The following SAMD4A variants were observed in gnomAD, a reference collection of about 807,000 sequenced individuals.
SAMD4A encodes sterile alpha motif domain containing 4A, also known as protein Smaug homolog 1.
A neutral mutation model predicts 81.3 loss-of-function variants in SAMD4A; 33 were observed. The observed-to-expected ratio is 0.41, with a 90% confidence interval of 0.31 to 0.54. The LOEUF is 0.54. Among genes scored for constraint, SAMD4A ranks in the 20% least tolerant of loss-of-function variants. The pLI is 0.37. For missense variants in SAMD4A, 854 were observed against 951.1 expected (o/e 0.90, Z 1.34); for synonymous variants, 389 against 382.1 (o/e 1.02, Z -0.21).
At chr14:54,611,876 A>T (rs1253281650) in intron 2 of SAMD4A, among the ~76,000 whole-genome samples, 1 of 140,234 alleles carries the variant, frequency 7.1e-6, no homozygotes, top group East Asian at 2.0e-4. Flanking sequence ...GACTCTGTCT[A>T]AAAAAAAAAA....
At chr14:54,619,885 T>C (rs947132492) in intron 2 of SAMD4A, among the ~76,000 whole-genome samples, 2 of 152,260 alleles carry the variant, frequency 1.3e-5, no homozygotes, top group African/African-American at 4.8e-5. Flanking sequence ...TTGTTTTAAC[T>C]GAAAGACAAA....
rs2036257923 is a variant in SAMD4A at position 54,685,978 on chromosome 14, C to T, written c.197-16084C>T. 6 of 422,992 alleles carry T rather than the reference C, an allele frequency of 1.4e-5. No individual in the cohort carries two copies. The Admixed American group carries it at 1.5e-4, about 11-fold the overall frequency. 26.2% of individuals were successfully genotyped at this position (422,992 alleles called of 1,614,324 possible). Reference sequence around the variant, plus strand: ...CTGGACTTGACAACAGAAAGTGATGCTCCTGTGAAGCTCATACAAAGGTCC... The same window carrying T: ...CTGGACTTGACAACAGAAAGTGATGTTCCTGTGAAGCTCATACAAAGGTCC... On this transcript the variant is annotated intron_variant, in intron 2 of 12. Transcript: ENST00000554335.
At chr14:54,674,804 G>A (rs901903633) in intron 2 of SAMD4A, among the ~76,000 whole-genome samples, 1 of 152,190 alleles carries the variant, frequency 6.6e-6, no homozygotes, top group Non-Finnish European at 1.5e-5. Context: ...CTGTAGTGCA[G>A]TGGCATGATC....
At chr14:54,705,320 G>A (rs888756586) in intron 3 of SAMD4A, among the ~76,000 whole-genome samples, 9 of 152,150 alleles carry the variant, frequency 5.9e-5, no homozygotes, top group African/African-American at 1.4e-4. Context: ...AGAGCCATGC[G>A]CAGTATTCTA....
chr14:54,592,008 G>A (rs530980565), intron 2 of SAMD4A, among the ~76,000 whole-genome samples: 11 of 152,000 alleles, frequency 7.2e-5, no homozygotes, highest in South Asian at 2.1e-4. Flanking sequence ...CCATGTGTGC[G>A]TGCCTTAAGC....
intron 2 of SAMD4A, among the ~76,000 whole-genome samples, chr14:54,606,183 C>CTCTGTG (rs71446498): frequency 1.1e-3 from 164 of 146,678 alleles, no homozygotes; most frequent in African/African-American, 3.9e-3. Flanking sequence ...TACTTCTGGG[C>CTCTGTG]TGTGTGTGTG....
At chr14:54,614,660 T>C (rs1191933477) in intron 2 of SAMD4A, among the ~76,000 whole-genome samples, 1 of 152,228 alleles carries the variant, frequency 6.6e-6, no homozygotes, top group Non-Finnish European at 1.5e-5. Flanking sequence ...TCAGGTTGCC[T>C]ATAATAGTTT....
Position 54,710,714 on chromosome 14 carries a change from A to AG in SAMD4A, c.715+8137dup, listed in dbSNP as rs142775328. 6.4e-4 allele frequency among the ~76,000 whole-genome samples: 98 copies of AG among 152,264 alleles called. 1 individual carries two copies. In the East Asian group the frequency reaches 0.018, roughly 28 times the overall value. ...CCCCATCTCTGTGACTCTCTGAAGC[A>AG]GGGAGCAGTCTTTGCACCGATCCAC... On this transcript the variant is annotated intron_variant, in intron 3 of 12. Coordinates refer to ENST00000554335, the MANE Select transcript of SAMD4A (RefSeq NM_015589.6).
At chr14:54,607,474 T>C (rs1261331169) in intron 2 of SAMD4A, among the ~76,000 whole-genome samples, 5 of 150,554 alleles carry the variant, frequency 3.3e-5, no homozygotes, top group Admixed American at 1.3e-4. Context: ...TTTTTTTTTT[T>C]AGACGGAGTC....
chr14:54,764,361 C>T (rs1017205630), intron 7 of SAMD4A, 94 bp from the exon 8 acceptor site: 1 of 830,074 alleles, frequency 1.2e-6, no homozygotes, highest in Non-Finnish European at 2.0e-6. Context: ...ACACATACCT[C>T]TCAGAGTGTT....
chr14:54,681,030 G>C (rs1416921152), intron 2 of SAMD4A, among the ~76,000 whole-genome samples: 1 of 152,214 alleles, frequency 6.6e-6, no homozygotes, highest in Non-Finnish European at 1.5e-5. Context: ...TCCTTTGTAA[G>C]AGAACCAAGA....
Position 54,702,510 on chromosome 14 carries a change from C to T in SAMD4A, c.645C>T (p.Gly215=). 1.2e-6 allele frequency: 2 copies of T among 1,614,160 alleles called. No individual in the cohort carries two copies. The highest frequency in any genetic ancestry group is 1.7e-6 in the Non-Finnish European group (2 of 1,180,002). ...ACAAAAGCATGGGGTGTGAGAATGG[C>T]CATGTGCCCCTCTACTCCTCCTCAT... ...WQDKSMGCEN[G]HVPLYSSSSV... Residue 215 remains glycine, a synonymous_variant, in exon 3 of 13, where the codon GGC becomes GGT. Transcript: ENST00000554335.
At chr14:54,708,457 A>G (rs759674576) in intron 3 of SAMD4A, among the ~76,000 whole-genome samples, 1 of 152,192 alleles carries the variant, frequency 6.6e-6, no homozygotes, top group Non-Finnish European at 1.5e-5. Flanking sequence ...AGTGGTCTAA[A>G]ATAGACATTT....
intron 2 of SAMD4A, among the ~76,000 whole-genome samples, chr14:54,667,928 G>A (rs1009149489): frequency 3.3e-5 from 5 of 152,170 alleles, no homozygotes; most frequent in African/African-American, 1.2e-4. Flanking sequence ...TGCCTCGGGA[G>A]CCCTGAGGGC....
intron 2 of SAMD4A, among the ~76,000 whole-genome samples, chr14:54,628,804 C>G (rs1488654876): frequency 6.6e-6 from 1 of 152,158 alleles, no homozygotes; most frequent in Non-Finnish European, 1.5e-5. Flanking sequence ...GGATTTGAAC[C>G]TCTACAGTGT....
intron 4 of SAMD4A, among the ~76,000 whole-genome samples, chr14:54,742,816 C>T (rs2037877495): frequency 1.3e-5 from 2 of 152,140 alleles, no homozygotes; most frequent in Non-Finnish European, 2.9e-5. Context: ...ACAACTGGCC[C>T]CAGGAACCTT....
chr14:54,776,970 T>C (rs140857678), intron 11 of SAMD4A, among the ~76,000 whole-genome samples: 1 of 152,212 alleles, frequency 6.6e-6, no homozygotes, highest in Admixed American at 6.5e-5. Context: ...TGCAAAGTGA[T>C]GACTGTTGTA....
chr14:54,690,972 A>G (rs1042221389), intron 2 of SAMD4A, among the ~76,000 whole-genome samples: 9 of 152,026 alleles, frequency 5.9e-5, no homozygotes, highest in Admixed American at 6.6e-5. Context: ...AGAGTTTAGA[A>G]GGTTTGTTTC....
intron 3 of SAMD4A, among the ~76,000 whole-genome samples, chr14:54,709,058 C>T (rs994833055): frequency 2.1e-4 from 32 of 152,152 alleles, no homozygotes; most frequent in African/African-American, 7.7e-4. Flanking sequence ...AGGCAGATCG[C>T]ATAAGCTCAG....
Sources: gnomAD v4.1 joint callset for allele counts (sites outside exome capture counted in the v4.1 genomes callset) on GRCh38, gnomAD v4.1.1 for gene constraint, MANE v1.5 for transcripts, NCBI Gene and HGNC (gene_info 2026-07-23, HGNC 2026-07-21) for gene names.